The following CFAP20DC variants were observed in gnomAD, a reference collection of about 807,000 sequenced individuals.
The protein encoded by CFAP20DC is CFAP20 domain containing, also known as protein CFAP20DC.
A neutral mutation model predicts 101.7 loss-of-function variants in CFAP20DC; 84 were observed. That is an observed-to-expected ratio of 0.83 (90% CI 0.69 to 0.99). CFAP20DC has a LOEUF of 0.99. Ranked by LOEUF, CFAP20DC falls within the 50% of genes least tolerant of loss-of-function variation. CFAP20DC has a pLI of 0.00. For missense variants in CFAP20DC, 1,007 were observed against 970.3 expected, an observed-to-expected ratio of 1.04 and a Z score of -0.50; for synonymous variants, 359 against 351.2, an observed-to-expected ratio of 1.02 and a Z score of -0.25.
intron 15 of CFAP20DC, among the ~76,000 whole-genome samples, chr3:58,805,118 A>C (rs2073964901): frequency 6.6e-6 from 1 of 152,182 alleles, no homozygotes; most frequent in Non-Finnish European, 1.5e-5. Context: ...CAGAATGGGC[A>C]CTTGGCTCAA....
chr3:58,813,768 G>T (rs1396327486), intron 14 of CFAP20DC, among the ~76,000 whole-genome samples: 1 of 151,814 alleles, frequency 6.6e-6, no homozygotes, highest in East Asian at 1.9e-4. Context: ...TATGCACCAT[G>T]AATTTAAATG....
chr3:58,973,704 T>G (rs781494001), intron 4 of CFAP20DC, among the ~76,000 whole-genome samples: 2 of 152,154 alleles, frequency 1.3e-5, no homozygotes, highest in Non-Finnish European at 2.9e-5. Context: ...GAGACTATCA[T>G]GAAACAATTC....
intron 4 of CFAP20DC, among the ~76,000 whole-genome samples, chr3:58,999,843 T>TAAAAA (rs565894929): frequency 5.5e-4 from 42 of 76,732 alleles, no homozygotes; most frequent in East Asian, 1.7e-3. Context: ...GTCACTAATG[T>TAAAAA]AAAAAAAAAA....
rs545154739 is a variant in CFAP20DC at position 58,859,351 on chromosome 3, A to C, written c.1593+4207T>G. On this transcript the variant is annotated intron_variant, in intron 12 of 16. Transcript: ENST00000482387. This position sits in a 1 kb window ranked among gnomAD's most constrained non-coding sequence, Gnocchi z 4.1. ...GTGATTAGGCTTTTCTAATTTTTCA[A>C]GGCAAAACATATTTTTCTATAAGTT... Among the ~76,000 whole-genome samples, 12 of 152,346 alleles carry C rather than the reference A, an allele frequency of 7.9e-5. No homozygotes were observed. Among genetic ancestry groups the C allele is most frequent in the African/African-American group, 2.6e-4 (11 of 41,580 alleles).
chr3:58,909,766 T>C (rs2083959860), intron 6 of CFAP20DC, among the ~76,000 whole-genome samples: 1 of 152,170 alleles, frequency 6.6e-6, no homozygotes. Context: ...GGGCAGGATG[T>C]GCAGGTTTGT....
intron 3 of CFAP20DC, among the ~76,000 whole-genome samples, chr3:58,730,772 A>C (rs1241034880): frequency 1.3e-5 from 2 of 152,264 alleles, no homozygotes; most frequent in African/African-American, 4.8e-5. Flanking sequence ...TGGGCTATTC[A>C]TAAAATAACT....
At chr3:58,932,802 C>A (rs915824083) in intron 5 of CFAP20DC, among the ~76,000 whole-genome samples, 6 of 152,204 alleles carry the variant, frequency 3.9e-5, no homozygotes, top group African/African-American at 1.4e-4. Flanking sequence ...ACAACCAGTA[C>A]CAGCAACTGC....
chr3:58,918,738 A>C (rs549789372), intron 5 of CFAP20DC, among the ~76,000 whole-genome samples: 3 of 152,252 alleles, frequency 2.0e-5, no homozygotes, highest in African/African-American at 4.8e-5. Flanking sequence ...TCTGGAGCCA[A>C]ACTGTCTGGA....
intron 5 of CFAP20DC, among the ~76,000 whole-genome samples, chr3:58,932,911 T>A (rs2086927272): frequency 6.6e-6 from 1 of 152,148 alleles, no homozygotes; most frequent in Non-Finnish European, 1.5e-5. Flanking sequence ...AGGATCAAAT[T>A]CAGACATAAC....
intron 13 of CFAP20DC, among the ~76,000 whole-genome samples, chr3:58,840,915 A>C (rs1483857288): frequency 6.6e-6 from 1 of 152,246 alleles, no homozygotes. Flanking sequence ...GAAAGAACAA[A>C]GCCAGGACTC....
intron 3 of CFAP20DC, among the ~76,000 whole-genome samples, chr3:59,043,127 A>T (rs1348888470): frequency 6.6e-6 from 1 of 152,140 alleles, no homozygotes; most frequent in Non-Finnish European, 1.5e-5. Flanking sequence ...TCTGAGCTGG[A>T]AATGTAAGCT....
intron 15 of CFAP20DC, among the ~76,000 whole-genome samples, chr3:58,757,722 T>C (rs2069098312): frequency 6.6e-6 from 1 of 152,082 alleles, no homozygotes; most frequent in Non-Finnish European, 1.5e-5. Flanking sequence ...TGTGAGTTTG[T>C]TCTGGTATAA....
intron 3 of CFAP20DC, among the ~76,000 whole-genome samples, chr3:59,044,116 T>A (rs1440443807): frequency 1.3e-5 from 2 of 152,200 alleles, no homozygotes; most frequent in African/African-American, 4.8e-5. Flanking sequence ...CTAAACTTTC[T>A]TCCTAAGTAG....
Position 58,888,730 on chromosome 3 carries a change from T to A in CFAP20DC, c.551-4021A>T, listed in dbSNP as rs1457503938. 2.6e-5 allele frequency among the ~76,000 whole-genome samples: 4 copies of A among 152,226 alleles called. No homozygotes were observed. In the East Asian group the frequency reaches 7.7e-4, roughly 29 times the overall value. On this transcript the variant is annotated intron_variant, in intron 6 of 16. Coordinates refer to ENST00000482387, the MANE Select transcript of CFAP20DC (RefSeq NM_001394063.1). ...CTCCATGTCCCTGCAAAGGACAAGATCTGGTTCCATGTCGTTGCTATTGCA... is the reference window on the plus strand; with the variant it reads ...CTCCATGTCCCTGCAAAGGACAAGAACTGGTTCCATGTCGTTGCTATTGCA...
intron 15 of CFAP20DC, among the ~76,000 whole-genome samples, chr3:58,801,479 C>T (rs566883639): frequency 7.9e-5 from 12 of 152,108 alleles, no homozygotes; most frequent in South Asian, 2.1e-4. Flanking sequence ...TTAAAATGAG[C>T]GAAACTTAAT....
chr3:58,934,225 G>A (rs1376664776), intron 5 of CFAP20DC, among the ~76,000 whole-genome samples: 1 of 152,186 alleles, frequency 6.6e-6, no homozygotes, highest in Non-Finnish European at 1.5e-5. Flanking sequence ...AAACCAGGAA[G>A]AAGCTGAATC....
At chr3:58,832,653 A>G (rs2076477304) in intron 13 of CFAP20DC, among the ~76,000 whole-genome samples, 1 of 152,176 alleles carries the variant, frequency 6.6e-6, no homozygotes, top group African/African-American at 2.4e-5. Context: ...AGCCTGGAAG[A>G]TCTCATAGCT....
intron 13 of CFAP20DC, among the ~76,000 whole-genome samples, chr3:58,846,053 T>C (rs1308161873): frequency 8.1e-5 from 12 of 148,528 alleles, no homozygotes; most frequent in Admixed American, 1.3e-4. Context: ...CCACAGCCAA[T>C]ATCATACTGA....
At chr3:58,766,662 T>C (rs915817420) in intron 15 of CFAP20DC, among the ~76,000 whole-genome samples, 1 of 152,328 alleles carries the variant, frequency 6.6e-6, no homozygotes, top group Non-Finnish European at 1.5e-5. Context: ...AGGCTTTCCA[T>C]AGACTAGTCT....
Sources: gnomAD v4.1 joint callset for allele counts (sites outside exome capture counted in the v4.1 genomes callset) on GRCh38, gnomAD v4.1.1 for gene constraint, Gnocchi (gnomAD v3.1) non-coding constraint, MANE v1.5 for transcripts, NCBI Gene and HGNC (gene_info 2026-07-23, HGNC 2026-07-21) for gene names.